SMIM14: variants seen among roughly 807,000 people sequenced by gnomAD.
SMIM14 encodes small integral membrane protein 14, also known as chromosome 4 open reading frame 34.
Under a neutral mutation model 12.6 loss-of-function variants are expected in SMIM14, and 5 were observed. That is an observed-to-expected ratio of 0.40 (90% CI 0.21 to 0.83). The LOEUF (loss-of-function observed/expected upper bound fraction) is 0.83. Among genes scored for constraint, SMIM14 ranks in the 40% least tolerant of loss-of-function variants. The pLI is 0.37. For synonymous variants in SMIM14, 30 were observed against 40.1 expected (o/e 0.75, Z 0.95); for missense variants, 86 against 119.1 (o/e 0.72, Z 1.29).
chr4:39,548,826 T>C lies in SMIM14; in HGVS notation c.*3300A>G, dbSNP rs899281270. 6.6e-6 allele frequency: 1 copy of C among 152,160 alleles called. No individual in the cohort carries two copies. The highest frequency in any genetic ancestry group is 1.5e-5 in the Non-Finnish European group (1 of 68,022). 9.4% of individuals were successfully genotyped at this position (152,160 alleles called of 1,614,324 possible). On this transcript the variant is annotated 3_prime_UTR_variant, in exon 5 of 5. Coordinates refer to ENST00000295958, the MANE Select transcript of SMIM14 (RefSeq NM_174921.3). ...TTACTAAGTAAATAGATGGCTCATG[T>C]AGGAAAAAGCTAATATATGTAGATG...
chr4:39,611,164 TG>T (rs1715016510), intron 1 of SMIM14, among the ~76,000 whole-genome samples: 1 of 152,094 alleles, frequency 6.6e-6, no homozygotes, highest in African/African-American at 2.4e-5. Context: ...AAATAAAAAA[TG>T]GAAGTGTAAA....
chr4:39,602,012 G>T (rs1444582864), intron 2 of SMIM14, among the ~76,000 whole-genome samples: 1 of 151,716 alleles, frequency 6.6e-6, no homozygotes, highest in Non-Finnish European at 1.5e-5. Context: ...CACTTTGGGA[G>T]GGGGAGGTAG....
At chr4:39,556,344 GT>G in intron 4 of SMIM14, 83 bp downstream of exon 4, 2 of 1,291,146 alleles carry the variant, frequency 1.5e-6, no homozygotes, top group Admixed American at 2.4e-5. Context: ...TAATTTAGGT[GT>G]TTTAGTCAAA....
intron 2 of SMIM14, among the ~76,000 whole-genome samples, chr4:39,603,423 G>A (rs1714688843): frequency 6.6e-6 from 1 of 152,032 alleles, no homozygotes; most frequent in African/African-American, 2.4e-5. Context: ...GCTGGGCATG[G>A]GGGCGGGCAC....
intron 2 of SMIM14, among the ~76,000 whole-genome samples, chr4:39,582,333 A>T (rs1443879832): frequency 1.3e-5 from 2 of 152,102 alleles, no homozygotes; most frequent in African/African-American, 4.8e-5. Flanking sequence ...AATAATTCAT[A>T]AGAGAAAAAA....
chr4:39,567,089 T>C (rs1018355513), intron 3 of SMIM14, among the ~76,000 whole-genome samples: 5 of 137,758 alleles, frequency 3.6e-5, no homozygotes, highest in Admixed American at 3.1e-4. Flanking sequence ...TAAGCCGAGA[T>C]TGCGCCATTG....
chr4:39,600,871 AAAAT>A lies in SMIM14; in HGVS notation c.75+4196_75+4199del, dbSNP rs577838057. Reference sequence around the variant, plus strand: ...GGGTGACAGAGGGAGACTCCATCTCAAAATAAATAAATAAATAAACAAACAAAGC... The same window carrying A: ...GGGTGACAGAGGGAGACTCCATCTCAAAATAAATAAATAAACAAACAAAGC... On this transcript the variant is annotated intron_variant, in intron 2 of 4. Transcript: ENST00000295958. 5.9e-3 allele frequency among the ~76,000 whole-genome samples: 901 copies of A among 152,200 alleles called. 2 individuals carry two copies. The highest frequency in any genetic ancestry group is 9.8e-3 in the Non-Finnish European group (669 of 67,998).
chr4:39,634,261 C>A (rs1716012884), intron 1 of SMIM14, among the ~76,000 whole-genome samples: 1 of 152,162 alleles, frequency 6.6e-6, no homozygotes, highest in Non-Finnish European at 1.5e-5. Context: ...GTCTGTGCAA[C>A]TTCAGGCAAA....
intron 1 of SMIM14, among the ~76,000 whole-genome samples, chr4:39,632,404 C>T (rs1260699779): frequency 1.3e-5 from 2 of 148,278 alleles, no homozygotes; most frequent in African/African-American, 5.0e-5. Context: ...CACTTGAACC[C>T]GGGAGGCAGA....
chr4:39,599,334 T>C (rs1177669940), intron 2 of SMIM14, among the ~76,000 whole-genome samples: 3 of 152,148 alleles, frequency 2.0e-5, no homozygotes, highest in East Asian at 1.9e-4. Context: ...ATTTCATTTT[T>C]TTTTACTCTG....
chr4:39,633,528 TG>T (rs1442745955), intron 1 of SMIM14, among the ~76,000 whole-genome samples: 1 of 152,182 alleles, frequency 6.6e-6, no homozygotes, highest in Non-Finnish European at 1.5e-5. Flanking sequence ...CCCAGCACTT[TG>T]GGAGGTCAAG....
At chr4:39,552,729 C>T (rs1179842096) in intron 4 of SMIM14, among the ~76,000 whole-genome samples, 1 of 152,186 alleles carries the variant, frequency 6.6e-6, no homozygotes, top group Admixed American at 6.5e-5. Context: ...TTTCTTAACA[C>T]TGACCCTACC....
chr4:39,556,310 T>C, intron 4 of SMIM14, 118 bp downstream of exon 4: 3 of 911,056 alleles, frequency 3.3e-6, no homozygotes, highest in African/African-American at 1.7e-5. Context: ...GGTAGAATAC[T>C]CTATGAGTTA....
At chr4:39,608,299 A>C (rs1188207324) in intron 1 of SMIM14, among the ~76,000 whole-genome samples, 2 of 152,328 alleles carry the variant, frequency 1.3e-5, no homozygotes, top group East Asian at 3.9e-4. Context: ...CTGTATTTAT[A>C]AACAACAACA....
intron 2 of SMIM14, among the ~76,000 whole-genome samples, chr4:39,596,059 T>C (rs985314621): frequency 6.6e-6 from 1 of 152,066 alleles, no homozygotes; most frequent in African/African-American, 2.4e-5. Context: ...TTCCTCCTAC[T>C]CCTCTACCCC....
chr4:39,584,635 G>A (rs1365055161), intron 2 of SMIM14, among the ~76,000 whole-genome samples: 2 of 149,844 alleles, frequency 1.3e-5, no homozygotes, highest in East Asian at 3.9e-4. Flanking sequence ...GTCTCTACAA[G>A]AAATACAAAA....
At chr4:39,621,686 CTTTTTTTTT>C (rs57206633) in intron 1 of SMIM14, among the ~76,000 whole-genome samples, 5 of 105,450 alleles carry the variant, frequency 4.7e-5, no homozygotes, top group African/African-American at 1.3e-4. Flanking sequence ...CCAAACGTTT[CTTTTTTTTT>C]TTTTTTTTTT....
intron 2 of SMIM14, among the ~76,000 whole-genome samples, chr4:39,600,572 C>A (rs907065114): frequency 1.3e-5 from 2 of 152,142 alleles, no homozygotes; most frequent in Non-Finnish European, 2.9e-5. Context: ...CGCTTGTAAT[C>A]CCAGCTACTC....
At chr4:39,584,707 G>T (rs1305091053) in intron 2 of SMIM14, among the ~76,000 whole-genome samples, 1 of 141,910 alleles carries the variant, frequency 7.0e-6, no homozygotes, top group African/African-American at 2.6e-5. Context: ...GAGGTGGGAG[G>T]ACGGTTTGAA....
Sources: gnomAD v4.1 joint callset for allele counts (sites outside exome capture counted in the v4.1 genomes callset) on GRCh38, gnomAD v4.1.1 for gene constraint, MANE v1.5 for transcripts, NCBI Gene and HGNC (gene_info 2026-07-23, HGNC 2026-07-21) for gene names.